SLC23A2: variants seen among roughly 807,000 people sequenced by gnomAD.
SLC23A2 encodes the protein solute carrier family 23 member 2, also known as Na(+)/L-ascorbic acid transporter 2.
In SLC23A2, 36 loss-of-function variants were observed where a neutral mutation model predicts 73.3. That is an observed-to-expected ratio of 0.49 (90% CI 0.38 to 0.65). The LOEUF (loss-of-function observed/expected upper bound fraction) is 0.65, where lower values mean the gene tolerates loss of function less well. SLC23A2 is among the 30% of genes least tolerant of loss of function. SLC23A2 has a pLI of 0.00. For missense variants in SLC23A2, 507 were observed against 841.6 expected (o/e 0.60, Z 4.92); for synonymous variants, 343 against 327.3 (o/e 1.05, Z -0.52).
Position 4,899,413 on chromosome 20 carries a change from T to C in SLC23A2, c.482+142A>G. On this transcript the variant is annotated intron_variant, in intron 6 of 16. Coordinates refer to ENST00000338244, the MANE Select transcript of SLC23A2 (RefSeq NM_005116.6). The surrounding 1 kb of genome is among the most constrained non-coding windows in gnomAD (Gnocchi z 4.9). ...AATGACTGGGAGGAACACTGAGGGG[T>C]GGGGACCAACGGCCACTAGGACATT... is the stretch of plus-strand genomic sequence containing the variant. 1 of 873,428 alleles carries C rather than the reference T, an allele frequency of 1.1e-6. No individual in the cohort carries two copies. The highest frequency in any genetic ancestry group is 2.4e-5 in the East Asian group (1 of 40,872). 54.1% of individuals were successfully genotyped at this position (873,428 alleles called of 1,614,324 possible).
Position 4,883,237 on chromosome 20 carries a change from G to A in SLC23A2, c.824+405C>T, listed in dbSNP as rs984616839. On this transcript the variant is annotated intron_variant, in intron 9 of 16. Transcript: ENST00000338244. The surrounding 1 kb of genome is among the most constrained non-coding windows in gnomAD (Gnocchi z 4.5). Reference sequence around the variant, plus strand: ...ATCAATGGCAACAGACCTTTCCCACGACTTCTCTGGAAATACTCCAGATTC... The same window carrying A: ...ATCAATGGCAACAGACCTTTCCCACAACTTCTCTGGAAATACTCCAGATTC... Among the ~76,000 whole-genome samples, 13 of 151,942 alleles carry A rather than the reference G, an allele frequency of 8.6e-5. No individual in the cohort carries two copies. Among genetic ancestry groups the A allele is most frequent in the Non-Finnish European group, 1.8e-4 (12 of 68,004 alleles).
intron 9 of SLC23A2, among the ~76,000 whole-genome samples, chr20:4,877,984 G>A (rs1451125556): frequency 6.6e-6 from 1 of 152,158 alleles, no homozygotes; most frequent in Non-Finnish European, 1.5e-5. Flanking sequence ...GAATCATGTA[G>A]ATAATACACA....
chr20:4,877,727 C>G (rs1930714489), intron 9 of SLC23A2, among the ~76,000 whole-genome samples: 1 of 152,124 alleles, frequency 6.6e-6, no homozygotes, highest in Admixed American at 6.5e-5. Context: ...TTTGGAGTGC[C>G]TGGTATTGAC....
chr20:4,987,708 C>T (rs573402316), intron 1 of SLC23A2, among the ~76,000 whole-genome samples: 92 of 151,976 alleles, frequency 6.1e-4, no homozygotes, highest in Non-Finnish European at 1.2e-3. Flanking sequence ...ATTAGCCGGG[C>T]GTGGTAGCGG....
chr20:4,951,873 G>A (rs1369530793), intron 2 of SLC23A2, among the ~76,000 whole-genome samples: 1 of 152,016 alleles, frequency 6.6e-6, no homozygotes, highest in South Asian at 2.1e-4. Flanking sequence ...GGAGGCTGAG[G>A]CAGACGATCA....
chr20:4,889,576 C>A (rs1277417780), intron 6 of SLC23A2, among the ~76,000 whole-genome samples: 1 of 151,196 alleles, frequency 6.6e-6, no homozygotes, highest in African/African-American at 2.4e-5. Context: ...CTTTTTAATT[C>A]CCTTTGGCAT....
At chr20:4,907,076 C>T (rs1470374848) in intron 4 of SLC23A2, among the ~76,000 whole-genome samples, 3 of 152,134 alleles carry the variant, frequency 2.0e-5, no homozygotes, top group Non-Finnish European at 2.9e-5. Context: ...CTTCAAGAAA[C>T]AAATATGTAT....
chr20:4,873,913 C>T (rs1182775919), intron 11 of SLC23A2, 23 bp downstream of exon 11: 1 of 1,605,002 alleles, frequency 6.2e-7, no homozygotes, highest in Non-Finnish European at 8.5e-7. Flanking sequence ...GCTCTTGACC[C>T]CTCTAGCCAT....
intron 2 of SLC23A2, among the ~76,000 whole-genome samples, chr20:4,945,713 GAC>G (rs1407581282): frequency 6.6e-6 from 1 of 152,164 alleles, no homozygotes; most frequent in African/African-American, 2.4e-5. Context: ...TATCTCAAAA[GAC>G]AGGGGTAACC....
intron 1 of SLC23A2, among the ~76,000 whole-genome samples, chr20:4,979,345 C>T (rs1057064203): frequency 6.6e-6 from 1 of 151,660 alleles, no homozygotes; most frequent in African/African-American, 2.4e-5. Flanking sequence ...ACCATCAACC[C>T]AACAGACATT....
chr20:4,885,693 T>C, intron 7 of SLC23A2, 128 bp downstream of exon 7: 1 of 700,438 alleles, frequency 1.4e-6, no homozygotes, highest in Non-Finnish European at 2.6e-6. Flanking sequence ...CTAAGCTGTT[T>C]GTGGGTTTGT....
chr20:4,936,898 G>C (rs1328435642), intron 2 of SLC23A2, among the ~76,000 whole-genome samples: 3 of 152,202 alleles, frequency 2.0e-5, no homozygotes, highest in African/African-American at 7.2e-5. Context: ...AGGAGAGGAT[G>C]AGACTCATAC....
intron 3 of SLC23A2, among the ~76,000 whole-genome samples, chr20:4,922,778 G>A (rs1932538088): frequency 6.6e-6 from 1 of 151,730 alleles, no homozygotes; most frequent in Non-Finnish European, 1.5e-5. Flanking sequence ...GCTGCAGTGA[G>A]CCAAGATCAC....
chr20:4,985,038 G>A (rs1463890538), intron 1 of SLC23A2, among the ~76,000 whole-genome samples: 2 of 151,648 alleles, frequency 1.3e-5, no homozygotes, highest in African/African-American at 4.8e-5. Context: ...TTGGGAGGCT[G>A]AGGCAGGAGA....
intron 2 of SLC23A2, among the ~76,000 whole-genome samples, chr20:4,955,501 C>T (rs1368381625): frequency 3.3e-5 from 5 of 151,728 alleles, no homozygotes; most frequent in Non-Finnish European, 7.4e-5. Flanking sequence ...TTTAAAGTAC[C>T]GTATAGGTTG....
rs187076039 is a variant in SLC23A2, at chr20:4,983,577, C to T, written c.-281-12658G>A. Among the ~76,000 whole-genome samples, 438 of 147,932 alleles carry T rather than the reference C, an allele frequency of 3.0e-3. 3 individuals are homozygous for T. The highest frequency in any genetic ancestry group is 1.0e-2 in the African/African-American group (398 of 39,972). On this transcript the variant is annotated intron_variant, in intron 1 of 16. Transcript: ENST00000338244. Reference sequence around the variant, plus strand: ...AGGAGAATGGTGTGAACCCGGGCAGCGGAGTTTGCAGTGAGCCGAGACCGC... The same window carrying T: ...AGGAGAATGGTGTGAACCCGGGCAGTGGAGTTTGCAGTGAGCCGAGACCGC...
intron 3 of SLC23A2, among the ~76,000 whole-genome samples, chr20:4,913,720 A>G (rs1038080935): frequency 2.6e-5 from 4 of 151,992 alleles, no homozygotes; most frequent in African/African-American, 9.7e-5. Context: ...TCCGCCTCCC[A>G]GGTTCAAGCG....
Position 4,859,698 on chromosome 20 carries a change from A to C in SLC23A2, c.1625-314T>G, listed in dbSNP as rs114269440. ...CACAGGGGTGTAGTCGGTGGATAAA[A>C]AAAATTCTAAATAAAAAAAAATGGT... is the stretch of plus-strand genomic sequence containing the variant. On this transcript the variant is annotated intron_variant, in intron 15 of 16. Transcript: ENST00000338244. Among the ~76,000 whole-genome samples, 1,338 of 151,488 alleles carry C rather than the reference A, an allele frequency of 8.8e-3. 19 individuals carry two copies. Among genetic ancestry groups the C allele is most frequent in the African/African-American group, 0.028 (1,141 of 40,744 alleles).
chr20:4,976,104 C>T (rs916454621), intron 1 of SLC23A2, among the ~76,000 whole-genome samples: 14 of 150,960 alleles, frequency 9.3e-5, no homozygotes, highest in African/African-American at 2.9e-4. Context: ...CCACCTGCCT[C>T]GCCCTCCCAA....
Sources: gnomAD v4.1 joint callset for allele counts (sites outside exome capture counted in the v4.1 genomes callset) on GRCh38, gnomAD v4.1.1 for gene constraint, Gnocchi (gnomAD v3.1) non-coding constraint, MANE v1.5 for transcripts, NCBI Gene and HGNC (gene_info 2026-07-23, HGNC 2026-07-21) for gene names.